PLAUR: variants seen among roughly 807,000 people sequenced by gnomAD.
PLAUR encodes the protein urokinase plasminogen activator surface receptor.
A neutral mutation model predicts 33.4 loss-of-function variants in PLAUR; 22 were observed. The observed-to-expected ratio is 0.66, with a 90% CI of 0.47 to 0.94. The LOEUF is 0.94. Ranked by LOEUF, PLAUR falls within the 40% of genes least tolerant of loss-of-function variation. The probability of loss-of-function intolerance (pLI) is 0.00; values close to 1 mark genes in which losing one functional copy is unlikely to be tolerated. For synonymous variants in PLAUR, 148 were observed against 167.3 expected (o/e 0.88, Z 0.89); for missense variants, 408 against 434.7 (o/e 0.94, Z 0.55).
intron 5 of PLAUR, among the ~76,000 whole-genome samples, chr19:43,653,720 C>T (rs893851383): frequency 6.6e-6 from 1 of 152,188 alleles, no homozygotes; most frequent in Non-Finnish European, 1.5e-5. Flanking sequence ...CGGCTCATGC[C>T]TGTAATCCCA....
At chr19:43,656,403 T>G in intron 4 of PLAUR, 76 bp downstream of exon 4, 9 of 1,304,510 alleles carry the variant, frequency 6.9e-6, no homozygotes, top group South Asian at 1.5e-5. Flanking sequence ...CCCTGTTACT[T>G]TGGGGTTGTT....
chr19:43,665,621 A>C, intron 2 of PLAUR, among the ~76,000 whole-genome samples, 162 bp from the exon 3 acceptor site: 3 of 137,974 alleles, frequency 2.2e-5, no homozygotes, highest in African/African-American at 5.5e-5. Context: ...CCTTGCCTCC[A>C]CCCCCACCCC....
chr19:43,649,163 A>C lies in PLAUR; in HGVS notation c.755-20T>G. 1 of 1,597,908 alleles carries C rather than the reference A, an allele frequency of 6.3e-7. No homozygotes were observed. The highest frequency in any genetic ancestry group is 1.1e-5 in the South Asian group (1 of 90,842). On this transcript the variant is annotated intron_variant, in intron 6 of 6. Transcript: ENST00000340093. Reference sequence around the variant, plus strand: ...TCGGTTCTGAGGAAAGAGAAGACGGAGTGAGACTTCCAGCTCCTGGGCCCA... The same window carrying C: ...TCGGTTCTGAGGAAAGAGAAGACGGCGTGAGACTTCCAGCTCCTGGGCCCA...
chr19:43,651,801 G>C (rs1315803973), intron 6 of PLAUR: 1 of 994,976 alleles, frequency 1.0e-6, no homozygotes, highest in African/African-American at 1.7e-5. Flanking sequence ...GGAATACAGA[G>C]ACCTTTCCAG....
At position 43,670,054 on chromosome 19, in the gene PLAUR, C is replaced by A. The variant is rs750990516; in HGVS notation, c.55+12G>T. 2 of 1,613,056 alleles carry A rather than the reference C, an allele frequency of 1.2e-6. No homozygotes were observed. The highest frequency in any genetic ancestry group is 2.2e-5 in the South Asian group (2 of 91,012). On this transcript the variant is annotated intron_variant, in intron 1 of 6. Coordinates refer to ENST00000340093, the MANE Select transcript of PLAUR (RefSeq NM_002659.4). The stretch of plus-strand genomic sequence containing the variant: ...CTGTTCCAGGCGCAGGCGTTCGGGA[C>A]CCAGCCCCTACCTGGGACGCAGGTG...
At chr19:43,665,581 G>T (rs1600142485) in intron 2 of PLAUR, 122 bp from the exon 3 acceptor site, 1 of 942,976 alleles carries the variant, frequency 1.1e-6, no homozygotes, top group East Asian at 2.6e-5. Flanking sequence ...TCTGTTATTT[G>T]AGTCGAACTC....
chr19:43,652,165 C>G, intron 6 of PLAUR, 60 bp downstream of exon 6: 1 of 1,592,658 alleles, frequency 6.3e-7, no homozygotes, highest in Non-Finnish European at 8.6e-7. Flanking sequence ...GGAAGTCAAT[C>G]TCTTGCGGAA....
chr19:43,666,701 G>A (rs1967270807), intron 2 of PLAUR, among the ~76,000 whole-genome samples: 2 of 151,694 alleles, frequency 1.3e-5, no homozygotes, highest in Non-Finnish European at 2.9e-5. Flanking sequence ...CCGAGTAGCT[G>A]GGATAACTGG....
intron 3 of PLAUR, among the ~76,000 whole-genome samples, chr19:43,663,797 CAAAA>C (rs370189339): frequency 3.2e-5 from 2 of 62,492 alleles, no homozygotes; most frequent in South Asian, 5.1e-4. Context: ...AACAAACAAA[CAAAA>C]AAAAAAAACA....
chr19:43,661,201 C>G (rs544377566), intron 3 of PLAUR: 1 of 152,340 alleles, frequency 6.6e-6, no homozygotes, highest in East Asian at 1.9e-4. Flanking sequence ...ATCTTCCAGA[C>G]ATTCTGGCAG....
intron 3 of PLAUR, 91 bp downstream of exon 3, chr19:43,665,225 C>G (rs992507665): frequency 7.4e-7 from 1 of 1,356,984 alleles, no homozygotes; most frequent in Non-Finnish European, 1.0e-6. Context: ...TGGGGTTCAG[C>G]TGATGTAAAG....
Position 43,667,819 on chromosome 19 carries a change from T to A in PLAUR, c.56-128A>T. 7 of 1,473,436 alleles carry A rather than the reference T, an allele frequency of 4.8e-6. No homozygotes were observed. In the South Asian group the frequency reaches 9.4e-5, roughly 20 times the overall value. The allele number at this position is 1,473,436 out of a possible 1,614,324, so 91.3% of individuals were successfully genotyped here. On this transcript the variant is annotated intron_variant, in intron 1 of 6. Transcript: ENST00000340093. ...CGTCCATTCAGATTCGTGTCCATGT[T>A]CTGCTGGGTTCCGGCCGGCGGTACT...
chr19:43,667,566 T>TG lies in PLAUR; in HGVS notation c.166+14dup. 2 of 1,579,694 alleles carry TG rather than the reference T, an allele frequency of 1.3e-6. No individual in the cohort carries two copies. The highest frequency in any genetic ancestry group is 1.7e-6 in the Non-Finnish European group (2 of 1,148,928). On this transcript the variant is annotated intron_variant, in intron 2 of 6. Coordinates refer to ENST00000340093, the MANE Select transcript of PLAUR (RefSeq NM_002659.4). Reference sequence around the variant, plus strand: ...TGCTGCGCTGGAGGGGTGTGTGGGTTGGGGGGAAGCTCACCTTCCCACAAG... The same window carrying TG: ...TGCTGCGCTGGAGGGGTGTGTGGGTTGGGGGGGAAGCTCACCTTCCCACAAG...
In PLAUR at chr19:43,648,694, C is replaced by T. The variant is rs1973868213; in HGVS notation, c.*196G>A. On this transcript the variant is annotated 3_prime_UTR_variant, in exon 7 of 7. Coordinates refer to ENST00000340093, the MANE Select transcript of PLAUR (RefSeq NM_002659.4). ...AATAACAAGAGCTCTCCCATTGGCC[C>T]ACGGCCTTCCTCCAGCTTTTCTCTT... 1 of 784,642 alleles carries T rather than the reference C, an allele frequency of 1.3e-6. No individual in the cohort carries two copies. The highest frequency in any genetic ancestry group is 1.9e-6 in the Non-Finnish European group (1 of 524,044). The allele number at this position is 784,642 out of a possible 1,614,324, so 48.6% of individuals were successfully genotyped here.
chr19:43,660,986 A>G (rs1412904059), intron 3 of PLAUR: 1 of 152,056 alleles, frequency 6.6e-6, no homozygotes, highest in Non-Finnish European at 1.5e-5. Flanking sequence ...AGGCCTCTTC[A>G]GCTTGGCAAC....
chr19:43,652,111 C>T, intron 6 of PLAUR, 114 bp downstream of exon 6: 2 of 1,534,234 alleles, frequency 1.3e-6, no homozygotes, highest in Non-Finnish European at 1.8e-6. Context: ...GGAAATCCCA[C>T]CTTTTCCACA....
In PLAUR at chr19:43,655,572, CCCTATGGGGG is replaced by C; in HGVS notation, c.473-9_473del. The C allele has an allele frequency of 6.2e-7, 1 of 1,613,650 alleles. No homozygotes were observed. Among genetic ancestry groups the C allele is most frequent in the Non-Finnish European group, 8.5e-7 (1 of 1,179,786 alleles). On this transcript the variant is annotated splice_acceptor_variant and splice_polypyrimidine_tract_variant and coding_sequence_variant and intron_variant, in exon 5 of 7. Transcript: ENST00000340093. LOFTEE classifies it high-confidence loss of function. ...GGAGGTGGCGGTCATCCTTTGGACG[CCCTATGGGGG>C]CCAGGGGACAGAGGTCAGATGTCAG...
At chr19:43,655,003 C>G (rs1461905476) in intron 5 of PLAUR, among the ~76,000 whole-genome samples, 1 of 151,672 alleles carries the variant, frequency 6.6e-6, no homozygotes, top group Non-Finnish European at 1.5e-5. Context: ...TGGCTGGGTG[C>G]AGTGGCTCAT....
intron 5 of PLAUR, among the ~76,000 whole-genome samples, chr19:43,652,673 C>T (rs757456563): frequency 5.9e-5 from 9 of 152,064 alleles, no homozygotes; most frequent in Non-Finnish European, 1.3e-4. Flanking sequence ...ATTTTTGATA[C>T]AGGGTCTCAG....
Sources: gnomAD v4.1 joint callset for allele counts (sites outside exome capture counted in the v4.1 genomes callset) on GRCh38, gnomAD v4.1.1 for gene constraint, MANE v1.5 for transcripts, NCBI Gene and HGNC (gene_info 2026-07-23, HGNC 2026-07-21) for gene names.